The following TTC39B variants were observed in gnomAD, a reference collection of about 807,000 sequenced individuals.
TTC39B encodes the protein tetratricopeptide repeat protein 39B.
In TTC39B, 92 loss-of-function variants were observed where a neutral mutation model predicts 96.6. The ratio of observed to expected loss-of-function variants is 0.95; its 90% confidence interval spans 0.80 to 1.13. TTC39B has a LOEUF of 1.13. Ranked by LOEUF, TTC39B falls within the 50% of genes most tolerant of loss-of-function variation. TTC39B has a pLI of 0.00. For synonymous variants in TTC39B, 367 were observed against 299.4 expected (o/e 1.23, Z -2.33); for missense variants, 955 against 809.3 (o/e 1.18, Z -2.18).
At chr9:15,177,061 G>C (rs1817979405) in intron 18 of TTC39B, among the ~76,000 whole-genome samples, 1 of 152,168 alleles carries the variant, frequency 6.6e-6, no homozygotes, top group Admixed American at 6.5e-5. Flanking sequence ...CACGGTGATG[G>C]CAAGTCTGTT....
chr9:15,227,968 T>A (rs1192603031), intron 2 of TTC39B, among the ~76,000 whole-genome samples: 2 of 152,220 alleles, frequency 1.3e-5, no homozygotes, highest in African/African-American at 2.4e-5. Flanking sequence ...CTTTTTAATA[T>A]GTTATATTTA....
At chr9:15,239,611 G>A (rs142112835) in intron 2 of TTC39B, among the ~76,000 whole-genome samples, 420 of 152,246 alleles carry the variant, frequency 2.8e-3, no homozygotes, top group African/African-American at 9.7e-3. Flanking sequence ...TCATCTTTGC[G>A]GCAACTTGAA....
intron 2 of TTC39B, among the ~76,000 whole-genome samples, chr9:15,230,938 T>C (rs1411865948): frequency 6.6e-6 from 1 of 151,768 alleles, no homozygotes. Flanking sequence ...TGAGCCAAGA[T>C]TGTGCCACTG....
intron 2 of TTC39B, among the ~76,000 whole-genome samples, chr9:15,229,662 T>C (rs563750319): frequency 1.3e-5 from 2 of 152,358 alleles, no homozygotes; most frequent in Non-Finnish European, 2.9e-5. Flanking sequence ...CATACTGGAT[T>C]ATTCTGCAAT....
intron 18 of TTC39B, 27 bp downstream of exon 18, chr9:15,177,670 T>A (rs370436765): frequency 6.7e-7 from 1 of 1,501,916 alleles, no homozygotes; most frequent in Non-Finnish European, 9.1e-7. Context: ...AATTTGCACT[T>A]GGGCTGGTTT....
At chr9:15,234,184 C>A (rs1489894195) in intron 2 of TTC39B, among the ~76,000 whole-genome samples, 2 of 149,486 alleles carry the variant, frequency 1.3e-5, no homozygotes, top group Non-Finnish European at 3.0e-5. Flanking sequence ...AAGTGAGGAG[C>A]CCCTCCATCC....
intron 17 of TTC39B, 31 bp downstream of exon 17, chr9:15,182,276 A>C (rs1328881588): frequency 7.0e-7 from 1 of 1,427,088 alleles, no homozygotes. Context: ...GCAGAGACAA[A>C]GGCTCCTCGG....
Position 15,192,144 on chromosome 9 carries a change from A to G in TTC39B, c.930+446T>C, listed in dbSNP as rs138986997. On this transcript the variant is annotated intron_variant, in intron 9 of 19. Transcript: ENST00000512701. ...TCTCACTAATTCCAGTGAACCATCAATAAAATTTAAAAATCTCTTAATCAC... is the reference window on the plus strand; with the variant it reads ...TCTCACTAATTCCAGTGAACCATCAGTAAAATTTAAAAATCTCTTAATCAC... Among the ~76,000 whole-genome samples the G allele has an allele frequency of 2.9e-3, 439 of 152,328 alleles. 1 individual carries two copies. The highest frequency in any genetic ancestry group is 9.9e-3 in the African/African-American group (413 of 41,558).
At chr9:15,175,782 T>G (rs1012784897) in intron 18 of TTC39B, among the ~76,000 whole-genome samples, 2 of 152,194 alleles carry the variant, frequency 1.3e-5, no homozygotes, top group African/African-American at 4.8e-5. Flanking sequence ...TACCTCCAAC[T>G]GAGTCAAGGG....
At chr9:15,304,856 G>A (rs1157504405) in intron 1 of TTC39B, among the ~76,000 whole-genome samples, 1 of 152,100 alleles carries the variant, frequency 6.6e-6, no homozygotes, top group Non-Finnish European at 1.5e-5. Flanking sequence ...GGCTAGTACA[G>A]GGCTTGGCAC....
At chr9:15,172,683 C>A (rs191583407) in intron 19 of TTC39B, among the ~76,000 whole-genome samples, 1 of 152,132 alleles carries the variant, frequency 6.6e-6, no homozygotes, top group Non-Finnish European at 1.5e-5. Flanking sequence ...TTATTTAAAA[C>A]CTGCCTAAGA....
intron 2 of TTC39B, among the ~76,000 whole-genome samples, chr9:15,264,687 G>T (rs1432322385): frequency 6.8e-6 from 1 of 147,324 alleles, no homozygotes; most frequent in African/African-American, 2.5e-5. Context: ...AACTATGTGA[G>T]ATGATAGATA....
intron 16 of TTC39B, chr9:15,183,219 T>G (rs1024863766): frequency 2.8e-5 from 9 of 316,652 alleles, no homozygotes; most frequent in Non-Finnish European, 4.3e-5. Context: ...TCAAGTAGAA[T>G]GGCAGCAAAG....
At chr9:15,164,690 C>T (rs2118252763) in exon 20 of TTC39B, 1 of 151,880 alleles carries the variant, frequency 6.6e-6, no homozygotes, top group East Asian at 1.9e-4. Context: ...AACACCAATA[C>T]AGAAATGAGT....
intron 1 of TTC39B, among the ~76,000 whole-genome samples, chr9:15,301,672 C>T (rs1824595157): frequency 1.3e-5 from 2 of 151,930 alleles, no homozygotes; most frequent in South Asian, 4.2e-4. Flanking sequence ...AGGAGAATCA[C>T]TTGAACCCGG....
At chr9:15,185,292 G>C in exon 16 of TTC39B, 4 of 1,612,896 alleles carry the variant, frequency 2.5e-6, no homozygotes, top group Non-Finnish European at 3.4e-6. Context: ...GGGCAGGTAA[G>C]ATGAGCTTCA....
At chr9:15,256,431 C>A (rs1822753934) in intron 2 of TTC39B, among the ~76,000 whole-genome samples, 2 of 152,120 alleles carry the variant, frequency 1.3e-5, no homozygotes, top group African/African-American at 4.8e-5. Context: ...TTCACACATT[C>A]ATTTTTTCAA....
At chr9:15,171,358 T>C (rs771780825) in exon 20 of TTC39B, 1 of 152,142 alleles carries the variant, frequency 6.6e-6, no homozygotes, top group Non-Finnish European at 1.5e-5. Flanking sequence ...ATTTTGTTAT[T>C]ATAATAGACT....
chr9:15,179,614 G>T (rs1818140966), intron 17 of TTC39B, among the ~76,000 whole-genome samples: 1 of 152,122 alleles, frequency 6.6e-6, no homozygotes, highest in South Asian at 2.1e-4. Context: ...TGTTAAAACA[G>T]ACATTCAAGA....
Sources: allele counts gnomAD v4.1 joint callset (sites outside exome capture counted in the v4.1 genomes callset), GRCh38; gene constraint gnomAD v4.1.1; transcripts MANE v1.5; gene names NCBI Gene and HGNC (gene_info 2026-07-23, HGNC 2026-07-21).